Variants in RPS6KA5 observed in about 807,000 individuals in gnomAD.
RPS6KA5 encodes ribosomal protein S6 kinase A5.
In RPS6KA5, 27 loss-of-function variants were observed where a neutral mutation model predicts 85.5. That is an observed-to-expected ratio of 0.32 (90% CI 0.23 to 0.44). The LOEUF is 0.44. Among genes scored for constraint, RPS6KA5 ranks in the 20% least tolerant of loss-of-function variants. The pLI is 1.00. For synonymous variants in RPS6KA5, 334 were observed against 348.2 expected, an observed-to-expected ratio of 0.96 and a Z score of 0.46; for missense variants, 811 against 980.9, an observed-to-expected ratio of 0.83 and a Z score of 2.31.
intron 3 of RPS6KA5, among the ~76,000 whole-genome samples, chr14:90,956,964 G>GTTTT (rs61106740): frequency 8.1e-6 from 1 of 123,352 alleles, no homozygotes; most frequent in Non-Finnish European, 1.7e-5. Context: ...CTGTTTTTCT[G>GTTTT]TTTTTTTTTT....
chr14:91,018,042 A>G (rs2041578012), intron 1 of RPS6KA5, among the ~76,000 whole-genome samples: 4 of 152,180 alleles, frequency 2.6e-5, no homozygotes, highest in Admixed American at 2.0e-4. Context: ...AGTCAACAGA[A>G]AACTACAACA....
At chr14:90,929,476 A>C (rs1243712958) in intron 5 of RPS6KA5, among the ~76,000 whole-genome samples, 2 of 152,190 alleles carry the variant, frequency 1.3e-5, no homozygotes, top group Non-Finnish European at 2.9e-5. Flanking sequence ...GGCAAGAAAA[A>C]CATAAATATT....
chr14:91,054,101 CT>C (rs1339764807), intron 1 of RPS6KA5, among the ~76,000 whole-genome samples: 1 of 152,162 alleles, frequency 6.6e-6, no homozygotes, highest in Admixed American at 6.5e-5. Flanking sequence ...AAAAAATAGT[CT>C]TTTCAGCTAA....
intron 7 of RPS6KA5, among the ~76,000 whole-genome samples, chr14:90,907,279 G>GTAGTGTGT (rs1334871321): frequency 1.3e-5 from 2 of 152,172 alleles, no homozygotes; most frequent in Non-Finnish European, 2.9e-5. Flanking sequence ...GTATAGTGTG[G>GTAGTGTGT]TGAGTTAGAA....
chr14:91,055,419 A>G (rs1190852908), intron 1 of RPS6KA5, among the ~76,000 whole-genome samples: 1 of 152,238 alleles, frequency 6.6e-6, no homozygotes, highest in African/African-American at 2.4e-5. Context: ...AAAACTTGGT[A>G]TATCTATACA....
chr14:90,877,554 C>T (rs1464627137), intron 14 of RPS6KA5, among the ~76,000 whole-genome samples: 1 of 152,192 alleles, frequency 6.6e-6, no homozygotes, highest in Non-Finnish European at 1.5e-5. Flanking sequence ...TATCCAAATC[C>T]CTTCACTGGC....
chr14:90,881,045 G>A (rs2140160744), intron 14 of RPS6KA5, among the ~76,000 whole-genome samples: 1 of 151,902 alleles, frequency 6.6e-6, no homozygotes, highest in South Asian at 2.1e-4. Context: ...ATGTTGTCCA[G>A]GCTAGTCTCA....
At chr14:90,901,580 G>T (rs554307571) in intron 9 of RPS6KA5, among the ~76,000 whole-genome samples, 2 of 152,148 alleles carry the variant, frequency 1.3e-5, no homozygotes, top group African/African-American at 4.8e-5. Context: ...TGATTAATCC[G>T]TTCAAGCTAG....
intron 2 of RPS6KA5, among the ~76,000 whole-genome samples, chr14:90,982,685 T>C (rs1426183759): frequency 6.6e-6 from 1 of 152,094 alleles, no homozygotes; most frequent in African/African-American, 2.4e-5. Context: ...TGTTAAGAAA[T>C]ATAAGCAAGG....
At chr14:90,986,060 G>T (rs1028490146) in intron 2 of RPS6KA5, among the ~76,000 whole-genome samples, 2 of 152,138 alleles carry the variant, frequency 1.3e-5, no homozygotes, top group Non-Finnish European at 2.9e-5. Flanking sequence ...TCACTCTAAA[G>T]AACCTGAAAC....
chr14:90,924,475 TA>T (rs1344953467), intron 5 of RPS6KA5, among the ~76,000 whole-genome samples: 2 of 152,166 alleles, frequency 1.3e-5, no homozygotes, highest in Non-Finnish European at 2.9e-5. Flanking sequence ...GAGTCTCTGA[TA>T]GGGGCAGGAA....
intron 1 of RPS6KA5, among the ~76,000 whole-genome samples, chr14:91,016,775 G>A (rs68151997): frequency 0.08 from 12,103 of 151,368 alleles, 702 homozygotes; most frequent in Non-Finnish European, 0.12. Flanking sequence ...TAGTTTGGTT[G>A]GATGGTCAGG....
At chr14:90,917,728 C>A (rs909636848) in intron 7 of RPS6KA5, among the ~76,000 whole-genome samples, 25 of 78,824 alleles carry the variant, frequency 3.2e-4, no homozygotes, top group Middle Eastern at 5.6e-3. Context: ...ATAAACAAAT[C>A]ATTCCTTTTT....
Position 90,902,930 on chromosome 14 carries a change from C to A in RPS6KA5, c.997G>T (p.Ala333Ser). Reference protein sequence around the residue: ...WDDLAAKKVPAPFKPVIRDEL... With the variant: ...WDDLAAKKVPSPFKPVIRDEL... ...TCTCGAATGACTGGCTTAAATGGTGCAGGCACTTTTTTGGCGGCTAAATCA... is the reference window on the plus strand; with the variant it reads ...TCTCGAATGACTGGCTTAAATGGTGAAGGCACTTTTTTGGCGGCTAAATCA... The change falls in exon 9 of 17, where the codon GCA becomes TCA. Residue 333 changes from alanine (A) to serine (S), a missense_variant. Ala to Ser is a moderately conservative substitution (Grantham distance 99, BLOSUM62 1). This residue lies in a region of RPS6KA5 where 650 missense variants were observed against 793.4 expected (regional missense o/e 0.82). Transcript: ENST00000614987. The A allele has an allele frequency of 1.2e-6, 2 of 1,613,398 alleles. No individual in the cohort carries two copies. The highest frequency in any genetic ancestry group is 1.7e-6 in the Non-Finnish European group (2 of 1,179,670).
chr14:90,992,101 T>A (rs1476433516), intron 2 of RPS6KA5, among the ~76,000 whole-genome samples: 1 of 152,124 alleles, frequency 6.6e-6, no homozygotes, highest in African/African-American at 2.4e-5. Flanking sequence ...CTGAAAAAAA[T>A]TTATCTTAAA....
In RPS6KA5 at chr14:90,990,743, C is replaced by T. The variant is rs529529621; in HGVS notation, c.175+10345G>A. On this transcript the variant is annotated intron_variant, in intron 2 of 16. Transcript: ENST00000614987. ...TGAAATCATGTCCTTTGCAGCAACA[C>T]GGATACAGCTGGAGACCATTTTCCT... Among the ~76,000 whole-genome samples, 345 of 152,060 alleles carry T rather than the reference C, an allele frequency of 2.3e-3. 2 individuals are homozygous for T. Among genetic ancestry groups the T allele is most frequent in the African/African-American group, 7.2e-3 (298 of 41,470 alleles).
intron 7 of RPS6KA5, among the ~76,000 whole-genome samples, chr14:90,919,262 G>A (rs1259597548): frequency 6.6e-6 from 1 of 152,216 alleles, no homozygotes; most frequent in East Asian, 1.9e-4. Context: ...AGTAAGCTGG[G>A]GCAATCATAG....
intron 1 of RPS6KA5, among the ~76,000 whole-genome samples, chr14:91,003,027 G>A (rs548540270): frequency 6.6e-6 from 1 of 152,152 alleles, no homozygotes; most frequent in East Asian, 1.9e-4. Context: ...TTTATAAAAA[G>A]CCAAACTCAT....
intron 14 of RPS6KA5, among the ~76,000 whole-genome samples, chr14:90,880,886 T>G (rs924447799): frequency 2.7e-5 from 4 of 150,286 alleles, no homozygotes; most frequent in African/African-American, 9.8e-5. Flanking sequence ...AAGGTCGGAG[T>G]ACAGTGGCGT....
Sources: gnomAD v4.1 joint callset for allele counts (sites outside exome capture counted in the v4.1 genomes callset) on GRCh38, gnomAD v4.1.1 for gene constraint, gnomAD v4.1.1 regional missense constraint, MANE v1.5 for transcripts, NCBI Gene and HGNC (gene_info 2026-07-23, HGNC 2026-07-21) for gene names.